The following DHX30 variants were observed in gnomAD, a reference collection of about 807,000 sequenced individuals.
The protein encoded by DHX30 is DExH-box helicase 30, also known as ATP-dependent RNA helicase DHX30.
In DHX30, 4 loss-of-function variants were observed where a neutral mutation model predicts 116.9. That is an observed-to-expected ratio of 0.03 (90% CI 0.02 to 0.08). DHX30 has a LOEUF of 0.08. DHX30 is among the 10% of genes least tolerant of loss of function. The pLI is 1.00. For missense variants in DHX30, 871 were observed against 1,595.1 expected (o/e 0.55, Z 7.73); for synonymous variants, 697 against 651.7 (o/e 1.07, Z -1.06).
intron 6 of DHX30, among the ~76,000 whole-genome samples, chr3:47,838,756 C>G (rs566593742): frequency 4.6e-5 from 7 of 152,368 alleles, no homozygotes; most frequent in Non-Finnish European, 8.8e-5. Context: ...CTCCTGCAAC[C>G]TGTGCTTTCT....
At chr3:47,811,333 A>G (rs374108062) in intron 3 of DHX30, among the ~76,000 whole-genome samples, 3 of 151,972 alleles carry the variant, frequency 2.0e-5, no homozygotes, top group East Asian at 1.9e-4. Context: ...ACCAAATGCA[A>G]TCTTTCTCCA....
At chr3:47,820,140 C>T (rs2036234568) in intron 4 of DHX30, among the ~76,000 whole-genome samples, 1 of 152,148 alleles carries the variant, frequency 6.6e-6, no homozygotes, top group African/African-American at 2.4e-5. Flanking sequence ...TGGTGAAACC[C>T]CATCTCTACT....
At chr3:47,831,924 C>CTTTTTTTTTTT (rs1448275730) in intron 6 of DHX30, among the ~76,000 whole-genome samples, 4 of 120,420 alleles carry the variant, frequency 3.3e-5, no homozygotes, top group Admixed American at 9.2e-5. Flanking sequence ...AGGCCTTTTC[C>CTTTTTTTTTTT]TTTTTCTTTT....
At chr3:47,834,573 G>T (rs2107071544) in intron 6 of DHX30, among the ~76,000 whole-genome samples, 1 of 152,122 alleles carries the variant, frequency 6.6e-6, no homozygotes, top group East Asian at 1.9e-4. Context: ...GGGCTCAAGA[G>T]ATCCTCCCAC....
intron 3 of DHX30, among the ~76,000 whole-genome samples, chr3:47,812,652 G>A (rs1443813297): frequency 6.6e-6 from 1 of 150,884 alleles, no homozygotes; most frequent in African/African-American, 2.4e-5. Flanking sequence ...CAACAGCAGA[G>A]ATTACATTTC....
chr3:47,825,160 C>A, intron 4 of DHX30: 1 of 669,528 alleles, frequency 1.5e-6, no homozygotes, highest in Non-Finnish European at 2.7e-6. Context: ...AAGCTGCGCC[C>A]ACCCCGACCA....
intron 1 of DHX30, 91 bp downstream of exon 1, chr3:47,803,303 G>T: frequency 5.2e-6 from 2 of 387,270 alleles, no homozygotes; most frequent in South Asian, 2.7e-4. Context: ...GGCCCGGTCC[G>T]ACCGCCAGCC....
At chr3:47,813,114 G>A (rs867003446) in intron 3 of DHX30, among the ~76,000 whole-genome samples, 145 of 151,916 alleles carry the variant, frequency 9.5e-4, no homozygotes, top group African/African-American at 3.2e-3. Context: ...CGAGGCAGGC[G>A]GATCACGAGG....
rs201203161 is a variant in DHX30 at position 47,848,593 on chromosome 3, G to C, written c.2576-31G>C. On this transcript the variant is annotated intron_variant, in intron 16 of 21. Coordinates refer to ENST00000445061, the MANE Select transcript of DHX30 (RefSeq NM_138615.3). The surrounding 1 kb of genome is among the most constrained non-coding windows in gnomAD (Gnocchi z 9.4). ...TGGGCTGGGCTGGGGAGTGGCTCTC[G>C]AGGGTGGTACTGACAGCTGAGCCGT... 1.9e-6 allele frequency: 3 copies of C among 1,614,048 alleles called. No homozygotes were observed. Among genetic ancestry groups the C allele is most frequent in the South Asian group, 1.1e-5 (1 of 91,080 alleles).
At chr3:47,846,025 G>A in intron 10 of DHX30, 140 bp from the exon 11 acceptor site, 1 of 1,392,062 alleles carries the variant, frequency 7.2e-7, no homozygotes, top group Non-Finnish European at 9.7e-7. Flanking sequence ...AAGGATCCCG[G>A]GGCAGTCATG....
intron 6 of DHX30, among the ~76,000 whole-genome samples, chr3:47,830,091 A>G (rs990640421): frequency 6.6e-6 from 1 of 150,910 alleles, no homozygotes; most frequent in Non-Finnish European, 1.5e-5. Flanking sequence ...CGGCCTCCCA[A>G]AGTGCTGGGA....
intron 6 of DHX30, among the ~76,000 whole-genome samples, chr3:47,834,359 C>G (rs912147332): frequency 6.6e-6 from 1 of 152,168 alleles, no homozygotes; most frequent in African/African-American, 2.4e-5. Flanking sequence ...CCGCCTTGGC[C>G]TCTTGAAGTG....
intron 3 of DHX30, 30 bp downstream of exon 3, chr3:47,810,741 T>A: frequency 3.7e-6 from 6 of 1,610,884 alleles, no homozygotes; most frequent in Non-Finnish European, 5.1e-6. Flanking sequence ...TGTGACCTCA[T>A]GCCCTTCCTT....
intron 2 of DHX30, among the ~76,000 whole-genome samples, chr3:47,809,601 C>G (rs189727269): frequency 1.3e-5 from 2 of 152,240 alleles, no homozygotes; most frequent in East Asian, 3.9e-4. Flanking sequence ...GAAGTTTTCT[C>G]TGTGATATAC....
chr3:47,806,373 A>T (rs2035523732), intron 2 of DHX30, among the ~76,000 whole-genome samples: 1 of 149,674 alleles, frequency 6.7e-6, no homozygotes, highest in South Asian at 2.1e-4. Context: ...CAAACTCCTG[A>T]CCTTGTGATC....
intron 6 of DHX30, among the ~76,000 whole-genome samples, chr3:47,839,444 A>G (rs964113283): frequency 2.0e-5 from 3 of 151,278 alleles, no homozygotes; most frequent in Non-Finnish European, 2.9e-5. Context: ...ACAGGCATGC[A>G]CCACCATGCC....
At chr3:47,815,569 A>T (rs1346313876) in intron 3 of DHX30, among the ~76,000 whole-genome samples, 2 of 152,064 alleles carry the variant, frequency 1.3e-5, no homozygotes, top group African/African-American at 2.4e-5. Context: ...CTTTCTCATT[A>T]TGTAATTTAA....
chr3:47,804,719 T>C (rs989791032), intron 1 of DHX30, among the ~76,000 whole-genome samples: 2 of 152,200 alleles, frequency 1.3e-5, no homozygotes, highest in Non-Finnish European at 1.5e-5. Context: ...TAGCCTAGTA[T>C]AAGCATGGAG....
chr3:47,840,636 AAAAAAAC>A (rs2037331026), intron 6 of DHX30, among the ~76,000 whole-genome samples: 1 of 151,986 alleles, frequency 6.6e-6, no homozygotes, highest in African/African-American at 2.4e-5. Context: ...ACCCTGTGTC[AAAAAAAC>A]AAAAAACAAA....
Sources: gnomAD v4.1 joint callset for allele counts (sites outside exome capture counted in the v4.1 genomes callset) on GRCh38, gnomAD v4.1.1 for gene constraint, Gnocchi (gnomAD v3.1) non-coding constraint, MANE v1.5 for transcripts, NCBI Gene and HGNC (gene_info 2026-07-23, HGNC 2026-07-21) for gene names.